LSG1: variants seen among roughly 807,000 people sequenced by gnomAD.
LSG1 encodes large 60S subunit nuclear export GTPase 1.
Under a neutral mutation model 82.6 loss-of-function variants are expected in LSG1, and 55 were observed. The ratio of observed to expected loss-of-function variants is 0.67; its 90% CI spans 0.54 to 0.83. The LOEUF is 0.83. Ranked by LOEUF, LSG1 falls within the 40% of genes least tolerant of loss-of-function variation. The pLI, the probability that LSG1 is intolerant of heterozygous loss-of-function variation, is 0.00. For synonymous variants in LSG1, 272 were observed against 282.5 expected (o/e 0.96, Z 0.37); for missense variants, 809 against 807.9 (o/e 1.00, Z -0.02).
chr3:194,646,039 G>T (rs1050626362), intron 12 of LSG1, 125 bp downstream of exon 12: 6 of 909,806 alleles, frequency 6.6e-6, no homozygotes, highest in Non-Finnish European at 1.0e-5. Flanking sequence ...CCTACATCAA[G>T]AACACAACTC....
Position 194,672,092 on chromosome 3 carries a change from C to G in LSG1, c.71G>C (p.Ser24Thr). ...GGAGTCAGTGTGACGATGGCTTCGG[C>G]TCCGCTGAGTCTGATGGCGCATAAG... The part of the protein sequence containing the change: ...RALMRHQTQR[S>T]RSHRHTDSWL... The change falls in exon 1 of 14, where the codon AGC (serine) becomes ACC (threonine). Residue 24 changes from serine (S) to threonine (T), a missense_variant. Ser to Thr is a moderately conservative substitution (Grantham distance 58). Transcript: ENST00000265245. The G allele has an allele frequency of 3.7e-6, 6 of 1,611,536 alleles. No homozygotes were observed. The highest frequency in any genetic ancestry group is 5.1e-6 in the Non-Finnish European group (6 of 1,180,002).
intron 6 of LSG1, 78 bp from the exon 7 acceptor site, chr3:194,659,211 T>C: frequency 9.1e-7 from 1 of 1,097,654 alleles, no homozygotes; most frequent in African/African-American, 1.6e-5. Flanking sequence ...AAGATCCCAA[T>C]ACAAGTTTTT....
At position 194,669,017 on chromosome 3, in the gene LSG1, T is replaced by C. The variant is rs184433519; in HGVS notation, c.226+992A>G. 1.3e-3 allele frequency among the ~76,000 whole-genome samples: 193 copies of C among 152,236 alleles called. 1 individual carries two copies. The highest frequency in any genetic ancestry group is 1.8e-3 in the Non-Finnish European group (120 of 68,014). ...CGAGCTCATAGAAGCAGAGAGAAAA[T>C]GGTGGTTACCAGAGATTAGGGAGTG... On this transcript the variant is annotated intron_variant, in intron 2 of 13. Transcript: ENST00000265245.
At position 194,642,161 on chromosome 3, in the gene LSG1, G is replaced by C. The variant is rs1304076832; in HGVS notation, c.1884C>G (p.Ser628Arg). Residue 628 changes from serine (S) to arginine (R), a missense_variant, in exon 14 of 14, where the codon AGC (serine) becomes AGG (arginine). Ser to Arg is a moderately radical substitution (Grantham distance 110, BLOSUM62 -1). Coordinates refer to ENST00000265245, the MANE Select transcript of LSG1 (RefSeq NM_018385.3). Reference sequence around the variant, plus strand: ...AGGGCTTCCCCGCCCCGTTCTCAGAGCTCGCAGTGGATGCAGTCACTACAC... The same window carrying C: ...AGGGCTTCCCCGCCCCGTTCTCAGACCTCGCAGTGGATGCAGTCACTACAC... ...GSGVVTASTA[S>R]SENGAGKPWK... 1.2e-6 allele frequency: 2 copies of C among 1,614,012 alleles called. No individual in the cohort carries two copies. Among genetic ancestry groups the C allele is most frequent in the Admixed American group, 1.7e-5 (1 of 60,022 alleles).
intron 11 of LSG1, 94 bp downstream of exon 11, chr3:194,648,587 C>T: frequency 2.3e-6 from 3 of 1,306,492 alleles, no homozygotes; most frequent in African/African-American, 1.5e-5. Flanking sequence ...TGTATCTTTG[C>T]AGAACAGCAA....
rs1323639615 is a variant in LSG1 at position 194,645,587 on chromosome 3, C to G, written c.1623+577G>C. On this transcript the variant is annotated intron_variant, in intron 12 of 13. Transcript: ENST00000265245. Reference sequence around the variant, plus strand: ...ACACACACAGACAGACACACACACACACACACACACACACACACACACACA... The same window carrying G: ...ACACACACAGACAGACACACACACAGACACACACACACACACACACACACA... 4.3e-4 allele frequency among the ~76,000 whole-genome samples: 40 copies of G among 92,322 alleles called. 2 individuals carry two copies. Among genetic ancestry groups the G allele is most frequent in the African/African-American group, 8.2e-4 (17 of 20,740 alleles). 60.6% of individuals were successfully genotyped at this position (92,322 alleles called of 152,430 possible).
chr3:194,666,141 G>A, intron 4 of LSG1, 62 bp downstream of exon 4: 1 of 1,376,726 alleles, frequency 7.3e-7, no homozygotes, highest in Non-Finnish European at 1.0e-6. Flanking sequence ...GGCTGTGTAA[G>A]CATGCCAAAT....
At chr3:194,670,309 C>T (rs1244728673) in intron 1 of LSG1, among the ~76,000 whole-genome samples, 174 bp from the exon 2 acceptor site, 1 of 152,202 alleles carries the variant, frequency 6.6e-6, no homozygotes, top group Non-Finnish European at 1.5e-5. Flanking sequence ...TCACAATAGG[C>T]AGTTCCCTTT....
rs1718400179 is a variant in LSG1 at position 194,641,938 on chromosome 3, G to A, written c.*130C>T. On this transcript the variant is annotated 3_prime_UTR_variant, in exon 14 of 14. Coordinates refer to ENST00000265245, the MANE Select transcript of LSG1 (RefSeq NM_018385.3). ...GGTCTTGACATGGAGACTGTTGGGTGCAGCCGTGCTCTGCAAGAGCAGGGC... is the reference window on the plus strand; with the variant it reads ...GGTCTTGACATGGAGACTGTTGGGTACAGCCGTGCTCTGCAAGAGCAGGGC... 2.1e-6 allele frequency: 2 copies of A among 954,358 alleles called. No individual in the cohort carries two copies. Among genetic ancestry groups the A allele is most frequent in the South Asian group, 1.7e-5 (1 of 57,238 alleles). 59.1% of individuals were successfully genotyped at this position (954,358 alleles called of 1,614,324 possible). A position where few individuals can be genotyped will look rare whatever the true frequency, so the allele number is the denominator to read the frequency against.
In LSG1 at chr3:194,659,017, A is replaced by G; in HGVS notation, c.699T>C (p.Asp233=). The part of the protein sequence containing the change: ...SAWAMYFEKE[D]VKVIFWSALA... ...AAGCTGACCAGAAAATAACCTTCAC[A>G]TCTTCTTTTTCGAAGTACATGGCCC... Residue 233 remains aspartate, a synonymous_variant, in exon 7 of 14, where the codon GAT becomes GAC. Transcript: ENST00000265245. 1 of 1,614,176 alleles carries G rather than the reference A, an allele frequency of 6.2e-7. No individual in the cohort carries two copies. The highest frequency in any genetic ancestry group is 8.5e-7 in the Non-Finnish European group (1 of 1,180,026).
Position 194,659,095 on chromosome 3 carries a change from G to A in LSG1, c.621C>T (p.Asn207=), listed in dbSNP as rs371935782. ...AGTCTGCCTTGTTGATCAGAATGAC[G>A]TTCTCCTTATTGGCATCCATTTCTT... The part of the protein sequence containing the change: ...YVKEMDANKE[N]VILINKADLL... Residue 207 remains asparagine, a synonymous_variant, in exon 7 of 14, where the codon AAC becomes AAT. Coordinates refer to ENST00000265245, the MANE Select transcript of LSG1 (RefSeq NM_018385.3). 1.0e-4 allele frequency: 162 copies of A among 1,613,952 alleles called. No individual in the cohort carries two copies. Among genetic ancestry groups the A allele is most frequent in the Non-Finnish European group, 1.3e-4 (153 of 1,179,970 alleles).
chr3:194,671,324 C>G (rs1308048877), intron 1 of LSG1, among the ~76,000 whole-genome samples: 3 of 152,178 alleles, frequency 2.0e-5, no homozygotes, highest in African/African-American at 4.8e-5. Context: ...CTGATGAATA[C>G]TGATAAGCAC....
Position 194,645,555 on chromosome 3 carries a change from CACACACACACACACAG to C in LSG1, c.1623+593_1623+608del, listed in dbSNP as rs1560219766. Reference sequence around the variant, plus strand: ...AGACAGACACACACACACACACACACACACACACACACACAGACAGACACACACACACACACACACA... The same window carrying C: ...AGACAGACACACACACACACACACACACAGACACACACACACACACACACA... On this transcript the variant is annotated intron_variant, in intron 12 of 13. Transcript: ENST00000265245. Among the ~76,000 whole-genome samples, 18 of 44,532 alleles carry C rather than the reference CACACACACACACACAG, an allele frequency of 4.0e-4. 2 individuals are homozygous for C. Among genetic ancestry groups the C allele is most frequent in the East Asian group, 2.8e-3 (3 of 1,054 alleles). 29.2% of individuals were successfully genotyped at this position (44,532 alleles called of 152,430 possible). A position where few individuals can be genotyped will look rare whatever the true frequency, so the allele number is the denominator to read the frequency against.
At chr3:194,646,448 C>T in intron 11 of LSG1, 3 of 440,946 alleles carry the variant, frequency 6.8e-6, no homozygotes, top group Non-Finnish European at 8.1e-6. Flanking sequence ...CCTAAAAATG[C>T]CACCTAGCAC....
At position 194,641,856 on chromosome 3, in the gene LSG1, T is replaced by G; in HGVS notation, c.*212A>C. 1 of 453,978 alleles carries G rather than the reference T, an allele frequency of 2.2e-6. No homozygotes were observed. The highest frequency in any genetic ancestry group is 3.4e-5 in the East Asian group (1 of 29,364). The allele number at this position is 453,978 out of a possible 1,614,324, so 28.1% of individuals were successfully genotyped here. A position where few individuals can be genotyped will look rare whatever the true frequency, so the allele number is the denominator to read the frequency against. On this transcript the variant is annotated 3_prime_UTR_variant, in exon 14 of 14. Transcript: ENST00000265245. The stretch of plus-strand genomic sequence containing the variant: ...CCACTGTGCCCGGCCAGGAGTAGGA[T>G]TCTCGGGCTCCCAGATGACTCCTTT...
At chr3:194,671,325 T>C (rs1192237228) in intron 1 of LSG1, among the ~76,000 whole-genome samples, 1 of 152,204 alleles carries the variant, frequency 6.6e-6, no homozygotes, top group East Asian at 1.9e-4. Context: ...TGATGAATAC[T>C]GATAAGCACT....
At chr3:194,653,246 G>T in intron 7 of LSG1, 104 bp from the exon 8 acceptor site, 1 of 1,213,092 alleles carries the variant, frequency 8.2e-7, no homozygotes, top group Non-Finnish European at 1.2e-6. Context: ...TGGGCGTGGT[G>T]GCTCAAGCCT....
At chr3:194,646,936 A>G (rs1718566641) in intron 11 of LSG1, among the ~76,000 whole-genome samples, 1 of 152,176 alleles carries the variant, frequency 6.6e-6, no homozygotes, top group Non-Finnish European at 1.5e-5. Context: ...ATGTACCTAC[A>G]TTTTTTTCCC....
In LSG1 at chr3:194,670,028, T is replaced by A; in HGVS notation, c.207A>T (p.Ala69=). Residue 69 remains alanine (A), a synonymous_variant, in exon 2 of 14, where the codon GCA becomes GCT. Coordinates refer to ENST00000265245, the MANE Select transcript of LSG1 (RefSeq NM_018385.3). ...ACTTACCAGCTACAAACTCTGTTCC[T>A]GCAAGTTCTGCAGTAGCAAGGAAGT... is the stretch of plus-strand genomic sequence containing the variant. ...LDDFLATAEL[A]GTEFVAEKLN... The A allele has an allele frequency of 6.2e-7, 1 of 1,614,046 alleles. No individual in the cohort carries two copies.
Sources: allele counts gnomAD v4.1 joint callset (sites outside exome capture counted in the v4.1 genomes callset), GRCh38; gene constraint gnomAD v4.1.1; transcripts MANE v1.5; gene names NCBI Gene and HGNC (gene_info 2026-07-23, HGNC 2026-07-21).